LHPP: variants seen among roughly 807,000 people sequenced by gnomAD.
LHPP encodes the protein phospholysine phosphohistidine inorganic pyrophosphate phosphatase, also known as hLHPP.
In LHPP, 24 loss-of-function variants were observed where a neutral mutation model predicts 30.3. The ratio of observed to expected loss-of-function variants is 0.79; its 90% CI spans 0.57 to 1.11. LHPP has a LOEUF of 1.11. Ranked by LOEUF, LHPP falls within the 50% of genes most tolerant of loss-of-function variation. LHPP has a pLI of 0.00. For missense variants in LHPP, 356 were observed against 367.2 expected, an observed-to-expected ratio of 0.97 and a Z score of 0.25; for synonymous variants, 150 against 157.1, an observed-to-expected ratio of 0.95 and a Z score of 0.34.
intron 6 of LHPP, among the ~76,000 whole-genome samples, chr10:124,524,648 A>T (rs1330579548): frequency 6.6e-6 from 1 of 152,130 alleles, no homozygotes; most frequent in Non-Finnish European, 1.5e-5. Flanking sequence ...AGCCTGGGCA[A>T]CATAGCGAGA....
In LHPP at chr10:124,592,116, G is replaced by A. The variant is rs1330382001; in HGVS notation, c.717-21148G>A. Among the ~76,000 whole-genome samples the A allele has an allele frequency of 2.0e-5, 3 of 152,204 alleles. No individual in the cohort carries two copies. Among genetic ancestry groups the A allele is most frequent in the Admixed American group, 1.3e-4 (2 of 15,288 alleles). On this transcript the variant is annotated intron_variant, in intron 6 of 6. Coordinates refer to ENST00000368842, the MANE Select transcript of LHPP (RefSeq NM_022126.4). The surrounding 1 kb of genome is among the most constrained non-coding windows in gnomAD (Gnocchi z 6.2). ...CAATAAGAGAAGGCAAGCCCTATGG[G>A]ATGGTAAACTGCAGTATAAAGCCCC... is the stretch of plus-strand genomic sequence containing the variant.
intron 3 of LHPP, among the ~76,000 whole-genome samples, chr10:124,495,972 G>T (rs981768757): frequency 2.0e-5 from 3 of 152,210 alleles, no homozygotes; most frequent in African/African-American, 7.2e-5. Flanking sequence ...AGATCTGAAT[G>T]CTCAAGTCAG....
intron 6 of LHPP, among the ~76,000 whole-genome samples, chr10:124,534,031 T>G (rs1954959961): frequency 1.5e-5 from 2 of 135,224 alleles, no homozygotes; most frequent in Non-Finnish European, 3.2e-5. Context: ...AGTTTGGGGA[T>G]TGGGGCGGGG....
chr10:124,587,738 T>TAAAAAAAAAAAAAAAA (rs747954796), intron 6 of LHPP, among the ~76,000 whole-genome samples: 12 of 53,006 alleles, frequency 2.3e-4, no homozygotes, highest in East Asian at 6.2e-4. Flanking sequence ...AGACTCCATC[T>TAAAAAAAAAAAAAAAA]AAAAAAAAAA....
chr10:124,498,177 G>A, intron 5 of LHPP, 49 bp downstream of exon 5: 1 of 1,564,856 alleles, frequency 6.4e-7, no homozygotes, highest in Non-Finnish European at 8.8e-7. Flanking sequence ...CCCCGTCAGG[G>A]AGGCCCTGGA....
chr10:124,591,107 G>C (rs1486440925), intron 6 of LHPP, among the ~76,000 whole-genome samples: 1 of 152,204 alleles, frequency 6.6e-6, no homozygotes, highest in African/African-American at 2.4e-5. Context: ...GGCACCGCGG[G>C]TGGGTGTTAA....
chr10:124,581,984 A>T (rs35834121), intron 6 of LHPP, among the ~76,000 whole-genome samples: 40,354 of 151,330 alleles, frequency 0.27, 5,396 homozygotes, highest in East Asian at 0.35. Flanking sequence ...GGGTTTCACC[A>T]TGTTAGCCAG....
At chr10:124,483,793 C>T (rs939413791) in intron 1 of LHPP, among the ~76,000 whole-genome samples, 3 of 145,344 alleles carry the variant, frequency 2.1e-5, no homozygotes, top group Non-Finnish European at 3.0e-5. Context: ...AGAAGTGGCA[C>T]AGGTAGAGAG....
At chr10:124,556,735 A>G (rs1171563641) in intron 6 of LHPP, among the ~76,000 whole-genome samples, 1 of 152,194 alleles carries the variant, frequency 6.6e-6, no homozygotes, top group African/African-American at 2.4e-5. Context: ...TCAATGGGAA[A>G]AGAATGGGAT....
At chr10:124,540,749 C>G (rs1341150946) in intron 6 of LHPP, among the ~76,000 whole-genome samples, 1 of 152,056 alleles carries the variant, frequency 6.6e-6, no homozygotes, top group African/African-American at 2.4e-5. Flanking sequence ...CCTACAGAGG[C>G]CCCGGGACCC....
rs1031961004 is a variant in LHPP at position 124,590,137 on chromosome 10, G to C, written c.717-23127G>C. ...AGCTCATTCGATTCGTTCATGTGAC[G>C]TCCTCCCTCTCCCAATCCCTGTCTC... On this transcript the variant is annotated intron_variant, in intron 6 of 6. Coordinates refer to ENST00000368842, the MANE Select transcript of LHPP (RefSeq NM_022126.4). This position sits in a 1 kb window ranked among gnomAD's most constrained non-coding sequence, Gnocchi z 4.3. 1.3e-5 allele frequency among the ~76,000 whole-genome samples: 2 copies of C among 152,072 alleles called. No individual in the cohort carries two copies. The highest frequency in any genetic ancestry group is 4.8e-5 in the African/African-American group (2 of 41,404).
chr10:124,540,015 G>GCAGTT (rs1310764754), intron 6 of LHPP, among the ~76,000 whole-genome samples: 1 of 152,214 alleles, frequency 6.6e-6, no homozygotes, highest in Non-Finnish European at 1.5e-5. Context: ...CAAGGGTTCA[G>GCAGTT]CAGTTACCCG....
rs371225633 is a variant in LHPP, at chr10:124,513,249, C to T, written c.625-3931C>T. On this transcript the variant is annotated intron_variant, in intron 5 of 6. Transcript: ENST00000368842. ...CTAATTTTTTGTATTTTAATAGAGA[C>T]GGGTTTCACCATGTTGCCCAGGCTG... 1.2e-3 allele frequency among the ~76,000 whole-genome samples: 184 copies of T among 151,538 alleles called. 6 individuals carry two copies. The South Asian group carries it at 0.035, about 29-fold the overall frequency.
intron 6 of LHPP, among the ~76,000 whole-genome samples, chr10:124,563,931 A>G (rs2133973396): frequency 6.6e-6 from 1 of 152,182 alleles, no homozygotes; most frequent in South Asian, 2.1e-4. Context: ...GGAATGGTTC[A>G]TCATTTACTT....
intron 1 of LHPP, among the ~76,000 whole-genome samples, chr10:124,472,371 G>T (rs189207769): frequency 1.4e-3 from 220 of 152,276 alleles, no homozygotes; most frequent in African/African-American, 4.5e-3. Context: ...ATGCTTAGAA[G>T]TTTATGTGAG....
chr10:124,559,001 C>T (rs1948348802), intron 6 of LHPP, among the ~76,000 whole-genome samples: 1 of 152,160 alleles, frequency 6.6e-6, no homozygotes, highest in African/African-American at 2.4e-5. Context: ...CTTCCTGCAC[C>T]CGGGACAGCC....
intron 6 of LHPP, among the ~76,000 whole-genome samples, chr10:124,579,120 C>T (rs529621831): frequency 1.3e-5 from 2 of 152,340 alleles, no homozygotes; most frequent in African/African-American, 4.8e-5. Context: ...TTGTAACGGG[C>T]TGAGAGTGGG....
chr10:124,489,884 G>T lies in LHPP; in HGVS notation c.467+1309G>T. On this transcript the variant is annotated intron_variant, in intron 3 of 6. Transcript: ENST00000368842. ...GCCTGTAAACTGAAATTCGGTTGCT[G>T]ACCCATTCCCAGCCTCAGCTTTCTC... 3 of 196,194 alleles carry T rather than the reference G, an allele frequency of 1.5e-5. No individual in the cohort carries two copies. In the South Asian group the frequency reaches 2.4e-4, roughly 16 times the overall value. 12.2% of individuals were successfully genotyped at this position (196,194 alleles called of 1,614,324 possible). A position where few individuals can be genotyped will look rare whatever the true frequency, so the allele number is the denominator to read the frequency against.
At chr10:124,506,495 C>A (rs539708717) in intron 5 of LHPP, among the ~76,000 whole-genome samples, 3 of 151,584 alleles carry the variant, frequency 2.0e-5, no homozygotes, top group Non-Finnish European at 4.4e-5. Context: ...AGAACGGTTA[C>A]GGAGAACTCT....
Sources: gnomAD v4.1 joint callset for allele counts (sites outside exome capture counted in the v4.1 genomes callset) on GRCh38, gnomAD v4.1.1 for gene constraint, Gnocchi (gnomAD v3.1) non-coding constraint, MANE v1.5 for transcripts, NCBI Gene and HGNC (gene_info 2026-07-23, HGNC 2026-07-21) for gene names.